SLC9B1: variants seen among roughly 807,000 people sequenced by gnomAD.
SLC9B1 encodes solute carrier family 9 member B1.
A neutral mutation model predicts 51.7 loss-of-function variants in SLC9B1; 32 were observed. The ratio of observed to expected loss-of-function variants is 0.62; its 90% CI spans 0.47 to 0.83. The LOEUF (loss-of-function observed/expected upper bound fraction) is 0.83, where lower values mean the gene tolerates loss of function less well. SLC9B1 is among the 40% of genes least tolerant of loss of function. The pLI, the probability that SLC9B1 is intolerant of heterozygous loss-of-function variation, is 0.00. For missense variants in SLC9B1, 406 were observed against 613.2 expected, an observed-to-expected ratio of 0.66 and a Z score of 3.57; for synonymous variants, 145 against 212.7, an observed-to-expected ratio of 0.68 and a Z score of 2.77.
intron 3 of SLC9B1, among the ~76,000 whole-genome samples, chr4:102,980,190 T>A (rs1029896208): frequency 1.3e-5 from 2 of 152,220 alleles, no homozygotes; most frequent in African/African-American, 4.8e-5. Flanking sequence ...AGTGTGGCAA[T>A]TCCTCAAAGA....
intron 5 of SLC9B1, among the ~76,000 whole-genome samples, chr4:102,946,174 T>C (rs1737256929): frequency 6.6e-6 from 1 of 152,246 alleles, no homozygotes; most frequent in Non-Finnish European, 1.5e-5. Context: ...TCTGTGCAAA[T>C]GATTAGATCG....
chr4:103,003,930 A>C (rs1740655903), intron 1 of SLC9B1, among the ~76,000 whole-genome samples: 1 of 152,198 alleles, frequency 6.6e-6, no homozygotes, highest in Non-Finnish European at 1.5e-5. Flanking sequence ...AAAGAAGATA[A>C]AAGCAAAAAG....
chr4:102,918,105 A>AG (rs1199761316), intron 7 of SLC9B1, among the ~76,000 whole-genome samples: 1 of 150,960 alleles, frequency 6.6e-6, no homozygotes, highest in African/African-American at 2.4e-5. Flanking sequence ...AGAAAAAAAA[A>AG]ACCCAATGAA....
intron 11 of SLC9B1, among the ~76,000 whole-genome samples, chr4:102,903,504 A>T (rs549448478): frequency 6.6e-6 from 1 of 152,366 alleles, no homozygotes; most frequent in East Asian, 1.9e-4. Context: ...CTGAGAGATT[A>T]GAAAATAATT....
At chr4:102,923,928 C>A (rs1201094333) in intron 7 of SLC9B1, among the ~76,000 whole-genome samples, 1 of 152,186 alleles carries the variant, frequency 6.6e-6, no homozygotes, top group African/African-American at 2.4e-5. Context: ...AATGGAAGAA[C>A]ATTCCATGCT....
At chr4:102,984,544 CA>C (rs1739518360) in intron 3 of SLC9B1, among the ~76,000 whole-genome samples, 1 of 152,036 alleles carries the variant, frequency 6.6e-6, no homozygotes, top group Non-Finnish European at 1.5e-5. Context: ...AGTTAAAATT[CA>C]TTGTGGTCTG....
chr4:102,969,928 A>G (rs1738659141), intron 3 of SLC9B1, among the ~76,000 whole-genome samples: 1 of 152,090 alleles, frequency 6.6e-6, no homozygotes, highest in Admixed American at 6.6e-5. Context: ...GTGAGAAGGG[A>G]AGTTTAGAGA....
At chr4:102,939,844 G>A (rs1736904961) in intron 6 of SLC9B1, among the ~76,000 whole-genome samples, 1 of 152,082 alleles carries the variant, frequency 6.6e-6, no homozygotes, top group African/African-American at 2.4e-5. Flanking sequence ...AGTTACTGAA[G>A]GAGCATACCT....
chr4:102,955,899 A>AAGGG (rs1553983850), intron 3 of SLC9B1, among the ~76,000 whole-genome samples: 1 of 107,890 alleles, frequency 9.3e-6, no homozygotes, highest in Non-Finnish European at 1.9e-5. Flanking sequence ...GAAAGAAAGA[A>AAGGG]AGAGAGAGAA....
At chr4:102,922,728 C>T (rs1735944957) in intron 7 of SLC9B1, among the ~76,000 whole-genome samples, 1 of 152,118 alleles carries the variant, frequency 6.6e-6, no homozygotes, top group South Asian at 2.1e-4. Context: ...GGGGATATCA[C>T]CACTGAGCCC....
chr4:102,925,411 T>G (rs1240973954), intron 7 of SLC9B1, among the ~76,000 whole-genome samples: 1 of 151,660 alleles, frequency 6.6e-6, no homozygotes, highest in East Asian at 1.9e-4. Context: ...TCATGGAGTG[T>G]GGGGAGGGAG....
chr4:102,921,015 A>T (rs548557904), intron 7 of SLC9B1, among the ~76,000 whole-genome samples: 1 of 152,246 alleles, frequency 6.6e-6, no homozygotes, highest in Non-Finnish European at 1.5e-5. Context: ...GAACTTCCCC[A>T]ACCTAGCAAG....
At chr4:103,018,189 C>T (rs1741498814) in intron 1 of SLC9B1, among the ~76,000 whole-genome samples, 1 of 152,130 alleles carries the variant, frequency 6.6e-6, no homozygotes, top group Non-Finnish European at 1.5e-5. Context: ...ATGAGAAGTA[C>T]TATAAAAACG....
At position 102,893,290 on chromosome 4, in the gene SLC9B1, A is replaced by AAAAAAAG. The variant is rs1553971016; in HGVS notation, c.1333-7963_1333-7962insCTTTTTT. On this transcript the variant is annotated intron_variant, in intron 11 of 11. Coordinates refer to the SLC9B1 transcript ENST00000394789. ...GAGCAAGACTCCATCTCAAAAAAAA[A>AAAAAAAG]AAAAAAAAAAAAAAAGAAAAAGAAA... 6.7e-4 allele frequency among the ~76,000 whole-genome samples: 99 copies of AAAAAAAG among 148,422 alleles called. 1 individual carries two copies. The highest frequency in any genetic ancestry group is 2.4e-3 in the African/African-American group (97 of 40,014).
chr4:102,949,554 A>C (rs1737440405), intron 3 of SLC9B1, 127 bp from the exon 4 acceptor site: 1 of 576,158 alleles, frequency 1.7e-6, no homozygotes, highest in African/African-American at 1.9e-5. Context: ...GTATAGATCA[A>C]CATTGCTTAC....
At chr4:102,968,882 T>C (rs1298796638) in intron 3 of SLC9B1, among the ~76,000 whole-genome samples, 1 of 152,114 alleles carries the variant, frequency 6.6e-6, no homozygotes, top group Non-Finnish European at 1.5e-5. Context: ...GGAGATTATA[T>C]CCCCTGCCTG....
chr4:102,982,166 T>G (rs1396734552), intron 3 of SLC9B1, among the ~76,000 whole-genome samples: 1 of 152,130 alleles, frequency 6.6e-6, no homozygotes, highest in African/African-American at 2.4e-5. Flanking sequence ...AAAGATTATG[T>G]TTGCTCCATT....
chr4:102,989,953 C>T lies in SLC9B1; in HGVS notation c.70-12G>A. ...GGATCAATGAGACTCTGTAGTAAAACAAGAAAATCTTTAAGGAACCATACT... is the reference window on the plus strand; with the variant it reads ...GGATCAATGAGACTCTGTAGTAAAATAAGAAAATCTTTAAGGAACCATACT... On this transcript the variant is annotated splice_polypyrimidine_tract_variant and intron_variant, in intron 2 of 11. Transcript: ENST00000296422. 1 of 1,560,364 alleles carries T rather than the reference C, an allele frequency of 6.4e-7. No individual in the cohort carries two copies. The highest frequency in any genetic ancestry group is 2.3e-5 in the East Asian group (1 of 43,556).
At chr4:102,956,670 G>A (rs1205478475) in intron 3 of SLC9B1, among the ~76,000 whole-genome samples, 5 of 152,086 alleles carry the variant, frequency 3.3e-5, no homozygotes, top group Non-Finnish European at 7.4e-5. Flanking sequence ...AAACCACTGG[G>A]CAGAAGGATT....
Sources: gnomAD v4.1 joint callset for allele counts (sites outside exome capture counted in the v4.1 genomes callset) on GRCh38, gnomAD v4.1.1 for gene constraint, MANE v1.5 for transcripts, NCBI Gene and HGNC (gene_info 2026-07-23, HGNC 2026-07-21) for gene names.